Variants in RNF213 observed in about 807,000 individuals in gnomAD.
RNF213 encodes ring finger protein 213.
RNF213 carries 341 observed loss-of-function variants against 514.4 expected under a neutral mutation model. The ratio of observed to expected loss-of-function variants is 0.66; its 90% CI spans 0.61 to 0.73. RNF213 has a LOEUF of 0.73. Among genes scored for constraint, RNF213 ranks in the 30% least tolerant of loss-of-function variants. The pLI is 0.00. For synonymous variants in RNF213, 2,655 were observed against 2,658.2 expected, an observed-to-expected ratio of 1.00 and a Z score of 0.04; for missense variants, 5,767 against 6,615.6, an observed-to-expected ratio of 0.87 and a Z score of 4.45.
chr17:80,347,954 C>T lies in RNF213; in HGVS notation c.9619C>T (p.Gln3207Ter), dbSNP rs1288814073. ...CATCAATGTCAAAGCACATCATTTCCAGAAGAGGCACAAATACAGCCCCTC... is the reference window on the plus strand; with the variant it reads ...CATCAATGTCAAAGCACATCATTTCTAGAAGAGGCACAAATACAGCCCCTC... ...KFINVKAHHF[Q>*]KRHKYSPSDV... The change falls in exon 29 of 68, where the codon CAG becomes TAG. Residue 3207 changes from glutamine to a stop codon, truncating the protein, a stop_gained. Coordinates refer to ENST00000582970, the MANE Select transcript of RNF213 (RefSeq NM_001256071.3). LOFTEE classifies it high-confidence loss of function. This position sits in a 1 kb window ranked among gnomAD's most constrained non-coding sequence, Gnocchi z 7.2. 1 of 1,613,820 alleles carries T rather than the reference C, an allele frequency of 6.2e-7. No individual in the cohort carries two copies. Among genetic ancestry groups the T allele is most frequent in the Non-Finnish European group, 8.5e-7 (1 of 1,179,818 alleles).
rs778962254 is a variant in RNF213, at chr17:80,348,055, G to A, written c.9720G>A (p.Arg3240=). 2.3e-5 allele frequency: 37 copies of A among 1,614,046 alleles called. No individual in the cohort carries two copies. Among genetic ancestry groups the A allele is most frequent in the Non-Finnish European group, 3.1e-5 (36 of 1,180,052 alleles). Reference sequence around the variant, plus strand: ...AGGTCATAGAGAGGCAGGGTCCCCGGGCCTTGACGGAGGAACTTCACCAGA... The same window carrying A: ...AGGTCATAGAGAGGCAGGGTCCCCGAGCCTTGACGGAGGAACTTCACCAGA... The part of the protein sequence containing the change: ...VLQVIERQGP[R]ALTEELHQKV... Residue 3240 remains arginine (R), a synonymous_variant, in exon 29 of 68, where the codon CGG becomes CGA. Transcript: ENST00000582970.
chr17:80,353,714 C>T lies in RNF213; in HGVS notation c.10578+48C>T. On this transcript the variant is annotated intron_variant, in intron 34 of 67. Transcript: ENST00000582970. This position sits in a 1 kb window ranked among gnomAD's most constrained non-coding sequence, Gnocchi z 5.0. ...TCCCCTTGTGCTGCTGGTGATGCTTCTGAGCTGCATCTTTAAACGCTTTTG... is the reference window on the plus strand; with the variant it reads ...TCCCCTTGTGCTGCTGGTGATGCTTTTGAGCTGCATCTTTAAACGCTTTTG... 1 of 1,612,026 alleles carries T rather than the reference C, an allele frequency of 6.2e-7. No individual in the cohort carries two copies. Among genetic ancestry groups the T allele is most frequent in the Non-Finnish European group, 8.5e-7 (1 of 1,178,114 alleles).
Position 80,381,695 on chromosome 17 carries a change from T to A in RNF213, c.13946T>A (p.Leu4649His). 6.2e-7 allele frequency: 1 copy of A among 1,614,054 alleles called. No individual in the cohort carries two copies. The highest frequency in any genetic ancestry group is 8.5e-7 in the Non-Finnish European group (1 of 1,179,992). ...GTGGTCCACCTCGTCCTGCGCAGGCTTCTCCAAGAGCAGCACCAGCTCTCT... is the reference window on the plus strand; with the variant it reads ...GTGGTCCACCTCGTCCTGCGCAGGCATCTCCAAGAGCAGCACCAGCTCTCT... Reference protein sequence around the residue: ...IGVVHLVLRRLLQEQHQLSSR... With the variant: ...IGVVHLVLRRHLQEQHQLSSR... Residue 4649 changes from leucine to histidine, a missense_variant, in exon 57 of 68, where the codon CTT (leucine) becomes CAT (histidine). Leu to His is a moderately conservative substitution (Grantham distance 99, BLOSUM62 -3). Transcript: ENST00000582970.
chr17:80,299,651 TTCA>T (rs1366974667), intron 11 of RNF213, among the ~76,000 whole-genome samples: 1 of 152,114 alleles, frequency 6.6e-6, no homozygotes, highest in Non-Finnish European at 1.5e-5. Context: ...TACAGATTAT[TTCA>T]TCATCCAAAT....
intron 3 of RNF213, 57 bp from the exon 4 acceptor site, chr17:80,287,758 A>T: frequency 6.3e-7 from 1 of 1,582,604 alleles, no homozygotes; most frequent in Middle Eastern, 1.7e-4. Context: ...GGAGGGAAAC[A>T]CGGGCTAGAG....
rs111992928 is a variant in RNF213 at position 80,371,767 on chromosome 17, T to TACACAC, written c.12426-97_12426-92dup. On this transcript the variant is annotated intron_variant, in intron 46 of 67. Coordinates refer to ENST00000582970, the MANE Select transcript of RNF213 (RefSeq NM_001256071.3). ...CCACGTATATGTATGTATATGTTTA[T>TACACAC]ACACACACACACACAGGACAGACGA... 2.9e-4 allele frequency: 191 copies of TACACAC among 668,380 alleles called. No individual in the cohort carries two copies. The East Asian group carries it at 4.2e-3, about 15-fold the overall frequency. 41.4% of individuals were successfully genotyped at this position (668,380 alleles called of 1,614,324 possible). A position where few individuals can be genotyped will look rare whatever the true frequency, so the allele number is the denominator to read the frequency against.
rs2043513776 is a variant in RNF213 at position 80,263,878 on chromosome 17, C to T, written c.97+100C>T. On this transcript the variant is annotated intron_variant, in intron 2 of 67. Coordinates refer to ENST00000582970, the MANE Select transcript of RNF213 (RefSeq NM_001256071.3). This position sits in a 1 kb window ranked among gnomAD's most constrained non-coding sequence, Gnocchi z 4.9. ...TGGAAACCCTGGGCAGCAGGCAGCTCAGGTGGGGCCGAGGTCCTCTGTGGC... is the reference window on the plus strand; with the variant it reads ...TGGAAACCCTGGGCAGCAGGCAGCTTAGGTGGGGCCGAGGTCCTCTGTGGC... 3 of 968,404 alleles carry T rather than the reference C, an allele frequency of 3.1e-6. No individual in the cohort carries two copies. Among genetic ancestry groups the T allele is most frequent in the East Asian group, 2.5e-5 (1 of 39,918 alleles). The allele number at this position is 968,404 out of a possible 1,614,324, so 60.0% of individuals were successfully genotyped here.
At chr17:80,275,749 G>T (rs1447539369) in intron 3 of RNF213, among the ~76,000 whole-genome samples, 2 of 151,854 alleles carry the variant, frequency 1.3e-5, no homozygotes, top group Admixed American at 6.6e-5. Context: ...TGCAACCTTT[G>T]CCTCCCAGGT....
At chr17:80,340,608 GGTT>G (rs1568095310) in intron 26 of RNF213, 7 of 224,778 alleles carry the variant, frequency 3.1e-5, no homozygotes, top group African/African-American at 8.8e-5. Flanking sequence ...TGTACTTTGT[GGTT>G]TTTTTTTTTT....
chr17:80,398,312 G>A lies in RNF213; in HGVS notation c.*4814G>A, dbSNP rs1377292527. On this transcript the variant is annotated 3_prime_UTR_variant, in exon 68 of 68. Coordinates refer to ENST00000582970, the MANE Select transcript of RNF213 (RefSeq NM_001256071.3). ...GGTATGCGTGTAGGGTGAGCGTAAT[G>A]TTTTGTCTTGAAGAAGCATGGGTCA... The A allele has an allele frequency of 1.3e-5, 2 of 152,056 alleles. No homozygotes were observed. Among genetic ancestry groups the A allele is most frequent in the African/African-American group, 4.8e-5 (2 of 41,390 alleles). 9.4% of individuals were successfully genotyped at this position (152,056 alleles called of 1,614,324 possible). A position where few individuals can be genotyped will look rare whatever the true frequency, so the allele number is the denominator to read the frequency against.
At chr17:80,328,249 C>A in intron 19 of RNF213, 79 bp from the exon 20 acceptor site, 1 of 1,444,956 alleles carries the variant, frequency 6.9e-7, no homozygotes, top group Non-Finnish European at 9.2e-7. Flanking sequence ...GGGGAAGGTG[C>A]GGCGCTTTCA....
intron 26 of RNF213, among the ~76,000 whole-genome samples, chr17:80,342,694 A>G (rs1599064002): frequency 1.4e-5 from 2 of 146,308 alleles, no homozygotes; most frequent in East Asian, 1.9e-4. Context: ...TATATACTAT[A>G]TATATTCTAT....
chr17:80,392,338 C>T (rs1017865613), intron 67 of RNF213, among the ~76,000 whole-genome samples: 2 of 152,142 alleles, frequency 1.3e-5, no homozygotes, highest in African/African-American at 4.8e-5. Flanking sequence ...AATTTCCAGT[C>T]TTTGTTAATG....
chr17:80,314,300 GGAC>G (rs1236053605), intron 15 of RNF213, among the ~76,000 whole-genome samples: 4 of 88,964 alleles, frequency 4.5e-5, no homozygotes, highest in African/African-American at 5.4e-5. Context: ...TGATGGTGGT[GGAC>G]GTGATGGTGG....
Position 80,327,879 on chromosome 17 carries a change from A to G in RNF213, c.3257A>G (p.Asp1086Gly). ...GCCAAGAGGCTGATAGCTGTTGCCGACTCTGTGTTGACGAAAGTTGTTGGT... is the reference window on the plus strand; with the variant it reads ...GCCAAGAGGCTGATAGCTGTTGCCGGCTCTGTGTTGACGAAAGTTGTTGGT... Reference protein sequence around the residue: ...EDAKRLIAVADSVLTKVVGDL... With the variant: ...EDAKRLIAVAGSVLTKVVGDL... The change falls in exon 19 of 68, where the codon GAC becomes GGC. Residue 1086 changes from aspartate (D) to glycine (G), a missense_variant. Physicochemically the swap from Asp to Gly is moderately conservative, Grantham distance 94. Coordinates refer to ENST00000582970, the MANE Select transcript of RNF213 (RefSeq NM_001256071.3). 1 of 1,537,120 alleles carries G rather than the reference A, an allele frequency of 6.5e-7. No homozygotes were observed. Among genetic ancestry groups the G allele is most frequent in the Non-Finnish European group, 8.7e-7 (1 of 1,146,896 alleles).
intron 67 of RNF213, among the ~76,000 whole-genome samples, chr17:80,393,042 A>G (rs1435113204): frequency 6.6e-6 from 1 of 151,882 alleles, no homozygotes. Context: ...CAGTTGTGCA[A>G]TCTCAGCTCG....
At chr17:80,360,266 A>C (rs774790232) in intron 38 of RNF213, 60 bp downstream of exon 38, 3 of 1,567,186 alleles carry the variant, frequency 1.9e-6, no homozygotes, top group Admixed American at 1.8e-5. Flanking sequence ...GGATTGCCTG[A>C]CAGTGAAAAG....
chr17:80,345,150 A>G lies in RNF213; in HGVS notation c.6815A>G (p.Gln2272Arg). 6.2e-7 allele frequency: 1 copy of G among 1,614,126 alleles called. No individual in the cohort carries two copies. The highest frequency in any genetic ancestry group is 2.2e-5 in the East Asian group (1 of 44,888). Residue 2272 changes from glutamine (Q) to arginine (R), a missense_variant, in exon 29 of 68, where the codon CAA becomes CGA. Around this residue, in one of 13 missense-constraint regions of RNF213, gnomAD observed 1,377 missense variants for 1,635.2 expected, o/e 0.84. Coordinates refer to ENST00000582970, the MANE Select transcript of RNF213 (RefSeq NM_001256071.3). The surrounding 1 kb of genome is among the most constrained non-coding windows in gnomAD (Gnocchi z 6.0). Reference protein sequence around the residue: ...FATPSLHTSDQSPGKHMVTMD... With the variant: ...FATPSLHTSDRSPGKHMVTMD... ...ACACCATCACTCCACACCTCTGACC[A>G]AAGCCCGGGGAAGCACATGGTCACC...
chr17:80,294,742 A>G lies in RNF213; in HGVS notation c.1494A>G (p.Ile498Met), dbSNP rs767124019. The change falls in exon 9 of 68, where the codon ATA (isoleucine) becomes ATG (methionine). Residue 498 changes from isoleucine (I) to methionine (M), a missense_variant. Physicochemically the swap from Ile to Met is conservative, Grantham distance 10 (BLOSUM62 1). This residue lies in a region of RNF213 where 592 missense variants were observed against 673.9 expected (regional missense o/e 0.88). Coordinates refer to ENST00000582970, the MANE Select transcript of RNF213 (RefSeq NM_001256071.3). ...GSGDWHQYYD[I>M]VYMKPHGRLQ... ...TAGACTGGCATCAGTACTATGACAT[A>G]GTTTATATGAAGCCTCATGGGAGAC... 2 of 1,614,000 alleles carry G rather than the reference A, an allele frequency of 1.2e-6. No individual in the cohort carries two copies. Among genetic ancestry groups the G allele is most frequent in the Non-Finnish European group, 1.7e-6 (2 of 1,180,028 alleles).
Sources: allele counts gnomAD v4.1 joint callset (sites outside exome capture counted in the v4.1 genomes callset), GRCh38; gene constraint gnomAD v4.1.1; regional missense constraint gnomAD v4.1.1; non-coding constraint Gnocchi (gnomAD v3.1); transcripts MANE v1.5; gene names NCBI Gene and HGNC (gene_info 2026-07-23, HGNC 2026-07-21).